DNAJC10: variants seen among roughly 807,000 people sequenced by gnomAD.
DNAJC10 encodes DnaJ heat shock protein family (Hsp40) member C10.
In DNAJC10, 101 loss-of-function variants were observed where a neutral mutation model predicts 115.0. The observed-to-expected ratio is 0.88, with a 90% confidence interval of 0.75 to 1.04. The LOEUF (loss-of-function observed/expected upper bound fraction) is 1.04, where lower values mean the gene tolerates loss of function less well. DNAJC10 is among the 50% of genes least tolerant of loss of function. DNAJC10 has a pLI of 0.00. For missense variants in DNAJC10, 981 were observed against 928.8 expected, an observed-to-expected ratio of 1.06 and a Z score of -0.73; for synonymous variants, 307 against 301.5, an observed-to-expected ratio of 1.02 and a Z score of -0.19.
At chr2:182,742,216 AT>A (rs1263109893) in intron 13 of DNAJC10, among the ~76,000 whole-genome samples, 2 of 152,094 alleles carry the variant, frequency 1.3e-5, no homozygotes, top group African/African-American at 4.8e-5. Flanking sequence ...AGACAGAGTC[AT>A]TCTGTCACCC....
At chr2:182,718,856 A>G (rs1402407539) in intron 3 of DNAJC10, among the ~76,000 whole-genome samples, 1 of 152,214 alleles carries the variant, frequency 6.6e-6, no homozygotes, top group African/African-American at 2.4e-5. Flanking sequence ...ACTCATTTTA[A>G]TTTTTATGGT....
At chr2:182,762,532 A>G in intron 21 of DNAJC10, 150 bp from the exon 22 acceptor site, 2 of 777,624 alleles carry the variant, frequency 2.6e-6, no homozygotes, top group Non-Finnish European at 2.0e-6. Flanking sequence ...GCTTAAAGGG[A>G]TAATGTGGAA....
intron 14 of DNAJC10, among the ~76,000 whole-genome samples, chr2:182,746,943 A>C (rs1038964772): frequency 2.6e-5 from 4 of 151,418 alleles, no homozygotes; most frequent in Non-Finnish European, 5.9e-5. Context: ...TCAGCTTTCT[A>C]CATATGGCTA....
Position 182,739,163 on chromosome 2 carries a change from G to GATAT in DNAJC10, c.988-1122_988-1119dup, listed in dbSNP as rs148212851. ...CATATAGACCTCTAAGAATGTTTAT[G>GATAT]ATATATATATATATATAGTATATAT... On this transcript the variant is annotated intron_variant, in intron 11 of 23. Coordinates refer to ENST00000264065, the MANE Select transcript of DNAJC10 (RefSeq NM_018981.4). Among the ~76,000 whole-genome samples the GATAT allele has an allele frequency of 1.2e-4, 16 of 137,120 alleles. No homozygotes were observed. The South Asian group carries it at 2.2e-3, about 19-fold the overall frequency. The allele number at this position is 137,120 out of a possible 152,430, so 90.0% of individuals were successfully genotyped here. A position where few individuals can be genotyped will look rare whatever the true frequency, so the allele number is the denominator to read the frequency against.
intron 13 of DNAJC10, 79 bp from the exon 14 acceptor site, chr2:182,743,519 T>C: frequency 9.6e-7 from 1 of 1,040,374 alleles, no homozygotes; most frequent in Non-Finnish European, 1.5e-6. Context: ...GGCAGTGCCA[T>C]TTTTGGATTA....
intron 8 of DNAJC10, 44 bp from the exon 9 acceptor site, chr2:182,730,986 A>T (rs1161006375): frequency 7.6e-7 from 1 of 1,307,290 alleles, no homozygotes; most frequent in Non-Finnish European, 1.1e-6. Flanking sequence ...TTAGTAAAGG[A>T]GTAATAGGTG....
intron 14 of DNAJC10, among the ~76,000 whole-genome samples, chr2:182,747,090 ATC>A (rs1279696658): frequency 6.6e-6 from 1 of 152,010 alleles, no homozygotes; most frequent in Non-Finnish European, 1.5e-5. Flanking sequence ...ATTGATCTAT[ATC>A]TCTGTTTTGG....
At chr2:182,720,984 G>A (rs1323712672) in intron 4 of DNAJC10, among the ~76,000 whole-genome samples, 8 of 152,114 alleles carry the variant, frequency 5.3e-5, no homozygotes, top group African/African-American at 1.4e-4. Context: ...TGAGAAGGAC[G>A]AAAGGTGTTT....
intron 10 of DNAJC10, chr2:182,732,818 T>C (rs1229659823): frequency 1.1e-5 from 5 of 445,322 alleles, no homozygotes; most frequent in African/African-American, 2.1e-5. Context: ...GTTAGTGTTT[T>C]TGTCATTTCC....
chr2:182,718,378 TTAAGAA>T, intron 3 of DNAJC10, 88 bp downstream of exon 3: 2 of 1,051,042 alleles, frequency 1.9e-6, no homozygotes, highest in Non-Finnish European at 2.7e-6. Flanking sequence ...GATCAAATGC[TTAAGAA>T]TAATCATATG....
Position 182,790,163 on chromosome 2 carries a change from T to A in DNAJC10, c.*13031T>A, listed in dbSNP as rs1695023994. On this transcript the variant is annotated 3_prime_UTR_variant, in exon 24 of 24. Coordinates refer to ENST00000264065, the MANE Select transcript of DNAJC10 (RefSeq NM_018981.4). ...GTCTACCACAAAACTAAGTATTTGTTTATAAGAAAAAGCTTTATTTAGTCC... is the reference window on the plus strand; with the variant it reads ...GTCTACCACAAAACTAAGTATTTGTATATAAGAAAAAGCTTTATTTAGTCC... 2 of 152,214 alleles carry A rather than the reference T, an allele frequency of 1.3e-5. No individual in the cohort carries two copies. The highest frequency in any genetic ancestry group is 1.3e-4 in the Admixed American group (2 of 15,280). 9.4% of individuals were successfully genotyped at this position (152,214 alleles called of 1,614,324 possible).
At chr2:182,754,791 A>G in intron 16 of DNAJC10, 3 of 1,305,372 alleles carry the variant, frequency 2.3e-6, no homozygotes, top group South Asian at 2.0e-5. Context: ...TGGAGCAGCT[A>G]TAAATAAGGA....
intron 19 of DNAJC10, among the ~76,000 whole-genome samples, chr2:182,758,603 A>G (rs1166727772): frequency 6.6e-6 from 1 of 152,206 alleles, no homozygotes; most frequent in Non-Finnish European, 1.5e-5. Context: ...GGAGATGTCC[A>G]GTAGACAGCT....
At chr2:182,753,982 C>A (rs1302213668) in intron 16 of DNAJC10, among the ~76,000 whole-genome samples, 16 of 152,134 alleles carry the variant, frequency 1.1e-4, no homozygotes. Flanking sequence ...GGAATAGAGG[C>A]CAAGATTCAC....
At chr2:182,759,010 A>C in intron 20 of DNAJC10, 120 bp downstream of exon 20, 1 of 1,052,498 alleles carries the variant, frequency 9.5e-7, no homozygotes, top group Non-Finnish European at 1.4e-6. Context: ...TACTTAGTAA[A>C]GTATTATATT....
intron 19 of DNAJC10, among the ~76,000 whole-genome samples, chr2:182,758,145 C>G (rs751688742): frequency 6.6e-6 from 1 of 152,132 alleles, no homozygotes; most frequent in South Asian, 2.1e-4. Context: ...CTCACATATG[C>G]TCTGTGAACT....
At position 182,720,023 on chromosome 2, in the gene DNAJC10, A is replaced by G. The variant is rs767468170; in HGVS notation, c.221A>G (p.His74Arg). The G allele has an allele frequency of 4.0e-5, 63 of 1,556,564 alleles. No homozygotes were observed. The highest frequency in any genetic ancestry group is 5.1e-5 in the Non-Finnish European group (58 of 1,136,170). ...TTTTAACAGAATAACCCAAATGCACATGGCGATTTTTTAAAAATAAATAGA... is the reference window on the plus strand; with the variant it reads ...TTTTAACAGAATAACCCAAATGCACGTGGCGATTTTTTAAAAATAAATAGA... ...PDKNPNNPNA[H>R]GDFLKINRAY... Residue 74 changes from histidine to arginine, a missense_variant, in exon 4 of 24, where the codon CAT becomes CGT. His to Arg is a conservative substitution (Grantham distance 29). Transcript: ENST00000264065.
chr2:182,767,990 AAT>A (rs1694459101), intron 22 of DNAJC10, among the ~76,000 whole-genome samples: 1 of 152,108 alleles, frequency 6.6e-6, no homozygotes, highest in South Asian at 2.1e-4. Context: ...CATACGTATG[AAT>A]ATGTTGCCGT....
At chr2:182,750,588 A>G (rs1693990107) in intron 14 of DNAJC10, among the ~76,000 whole-genome samples, 1 of 152,186 alleles carries the variant, frequency 6.6e-6, no homozygotes, top group Non-Finnish European at 1.5e-5. Context: ...ATCCTTGTAC[A>G]AACATCAGAG....
Sources: allele counts gnomAD v4.1 joint callset (sites outside exome capture counted in the v4.1 genomes callset), GRCh38; gene constraint gnomAD v4.1.1; transcripts MANE v1.5; gene names NCBI Gene and HGNC (gene_info 2026-07-23, HGNC 2026-07-21).